TOX: variants seen among roughly 807,000 people sequenced by gnomAD.
TOX encodes the protein thymocyte selection associated high mobility group box.
In TOX, 11 loss-of-function variants were observed where a neutral mutation model predicts 53.7. That is an observed-to-expected ratio of 0.20 (90% CI 0.13 to 0.34). TOX has a LOEUF of 0.34. TOX is among the 10% of genes least tolerant of loss of function. The pLI is 1.00. For synonymous variants in TOX, 225 were observed against 245.3 expected, an observed-to-expected ratio of 0.92 and a Z score of 0.77; for missense variants, 570 against 664.6, an observed-to-expected ratio of 0.86 and a Z score of 1.56.
chr8:58,891,054 G>T (rs1201026676), intron 3 of TOX, among the ~76,000 whole-genome samples: 1 of 152,042 alleles, frequency 6.6e-6, no homozygotes, highest in African/African-American at 2.4e-5. Flanking sequence ...TTCTATATGA[G>T]CAAATTGATG....
At chr8:59,008,706 G>A (rs757810077) in intron 1 of TOX, among the ~76,000 whole-genome samples, 1 of 152,082 alleles carries the variant, frequency 6.6e-6, no homozygotes, top group Admixed American at 6.5e-5. Flanking sequence ...TCAATGTTGC[G>A]GCCTCCTCAA....
chr8:58,978,144 G>A (rs186609123), intron 1 of TOX, among the ~76,000 whole-genome samples: 1 of 152,290 alleles, frequency 6.6e-6, no homozygotes, highest in African/African-American at 2.4e-5. Flanking sequence ...TTTTTCAACA[G>A]GGTAGGCATG....
intron 2 of TOX, among the ~76,000 whole-genome samples, chr8:58,948,496 A>T (rs192480006): frequency 2.0e-5 from 3 of 152,314 alleles, no homozygotes; most frequent in African/African-American, 7.2e-5. Context: ...GGCTAAAAAA[A>T]TCCCCAAGCT....
At chr8:58,928,493 C>T (rs560793275) in intron 3 of TOX, among the ~76,000 whole-genome samples, 1 of 151,770 alleles carries the variant, frequency 6.6e-6, no homozygotes, top group Non-Finnish European at 1.5e-5. Flanking sequence ...ACCTAATCAA[C>T]ACATGAATGC....
chr8:59,059,101 T>C (rs1352774125), intron 1 of TOX, among the ~76,000 whole-genome samples: 1 of 152,168 alleles, frequency 6.6e-6, no homozygotes, highest in Non-Finnish European at 1.5e-5. Context: ...TTCTATTTGT[T>C]TGTAAATGAG....
intron 3 of TOX, among the ~76,000 whole-genome samples, chr8:58,890,883 T>C (rs1365813507): frequency 1.3e-5 from 2 of 151,984 alleles, no homozygotes; most frequent in African/African-American, 4.8e-5. Flanking sequence ...GAACCTTGGG[T>C]GGTGTTCACA....
chr8:59,107,467 T>C (rs1164360147), intron 1 of TOX, among the ~76,000 whole-genome samples: 1 of 152,218 alleles, frequency 6.6e-6, no homozygotes, highest in Non-Finnish European at 1.5e-5. Context: ...TTTAAGCAAC[T>C]AACCTTGGAT....
chr8:58,844,864 T>C (rs1248018004), intron 4 of TOX, among the ~76,000 whole-genome samples: 2 of 152,156 alleles, frequency 1.3e-5, no homozygotes, highest in African/African-American at 2.4e-5. Context: ...ACGTGCTTCA[T>C]GTAACTTACT....
At chr8:58,875,664 C>T (rs1170064637) in intron 3 of TOX, among the ~76,000 whole-genome samples, 3 of 152,066 alleles carry the variant, frequency 2.0e-5, no homozygotes, top group Non-Finnish European at 4.4e-5. Context: ...TGGTGATATT[C>T]CTTGGCAATT....
chr8:58,858,261 G>A lies in TOX; in HGVS notation c.412-6456C>T, dbSNP rs1394177087. Among the ~76,000 whole-genome samples the A allele has an allele frequency of 5.9e-5, 9 of 152,134 alleles. No homozygotes were observed. The East Asian group carries it at 1.7e-3, about 29-fold the overall frequency. On this transcript the variant is annotated intron_variant, in intron 3 of 8. Transcript: ENST00000361421. Reference sequence around the variant, plus strand: ...CTTGAATGGCACCAGAACGATGGAGGGCCTGCCTTTCAGTGTTTAAAACTC... The same window carrying A: ...CTTGAATGGCACCAGAACGATGGAGAGCCTGCCTTTCAGTGTTTAAAACTC...
intron 3 of TOX, among the ~76,000 whole-genome samples, chr8:58,886,094 G>A (rs1811462902): frequency 6.6e-6 from 1 of 152,066 alleles, no homozygotes; most frequent in Non-Finnish European, 1.5e-5. Context: ...TGCTATTACA[G>A]AGTCTAAAAG....
intron 3 of TOX, among the ~76,000 whole-genome samples, chr8:58,908,711 G>C (rs1454793726): frequency 6.6e-6 from 1 of 152,036 alleles, no homozygotes; most frequent in Admixed American, 6.6e-5. Context: ...ATTATCACAA[G>C]AGCCAATGTC....
In TOX at chr8:58,807,761, G is replaced by A. The variant is rs770664863; in HGVS notation, c.1567C>T (p.Leu523=). Reference sequence around the variant, plus strand: ...TGTTCAGATTCTCAAGTAAGGTACAGTGCTTTGTCCCTCTGCATGCCCCTG... The same window carrying A: ...TGTTCAGATTCTCAAGTAAGGTACAATGCTTTGTCCCTCTGCATGCCCCTG... The part of the protein sequence containing the change: ...SSGGMQRDKA[L]YLT The change falls in exon 9 of 9, where the codon CTG becomes TTG. Residue 523 remains leucine (L), a synonymous_variant. Transcript: ENST00000361421. The A allele has an allele frequency of 6.2e-7, 1 of 1,614,122 alleles. No homozygotes were observed. Among genetic ancestry groups the A allele is most frequent in the Non-Finnish European group, 8.5e-7 (1 of 1,179,974 alleles).
chr8:58,817,939 C>T (rs1810208820), intron 6 of TOX, among the ~76,000 whole-genome samples: 1 of 151,660 alleles, frequency 6.6e-6, no homozygotes, highest in Admixed American at 6.6e-5. Context: ...ATAAAAATAT[C>T]GAATTCAAAA....
intron 3 of TOX, among the ~76,000 whole-genome samples, chr8:58,872,593 G>A (rs1811216991): frequency 1.3e-5 from 2 of 152,046 alleles, no homozygotes; most frequent in African/African-American, 4.8e-5. Flanking sequence ...TGATGAGAAT[G>A]GCACTTTACC....
intron 5 of TOX, among the ~76,000 whole-genome samples, chr8:58,836,151 G>A (rs150335495): frequency 6.0e-4 from 92 of 152,282 alleles, no homozygotes; most frequent in African/African-American, 2.0e-3. Context: ...CATATGTGGC[G>A]TCATGGGTGG....
At chr8:58,979,538 C>T (rs4738742) in intron 1 of TOX, among the ~76,000 whole-genome samples, 77,184 of 152,000 alleles carry the variant, frequency 0.51, 21,761 homozygotes, top group Non-Finnish European at 0.62. Flanking sequence ...TAAAATTATT[C>T]GTAATTTTTC....
chr8:58,943,405 T>C (rs1184023847), intron 2 of TOX, among the ~76,000 whole-genome samples: 4 of 152,134 alleles, frequency 2.6e-5, no homozygotes, highest in African/African-American at 7.2e-5. Context: ...AGGCCATGCC[T>C]GGGTGATACA....
intron 1 of TOX, among the ~76,000 whole-genome samples, chr8:59,096,269 G>C (rs1434074066): frequency 1.3e-5 from 2 of 152,158 alleles, no homozygotes. Flanking sequence ...AATAGTATTA[G>C]TGGCCATTTG....
Sources: allele counts gnomAD v4.1 joint callset (sites outside exome capture counted in the v4.1 genomes callset), GRCh38; gene constraint gnomAD v4.1.1; transcripts MANE v1.5; gene names NCBI Gene and HGNC (gene_info 2026-07-23, HGNC 2026-07-21).